KIF1A: variants seen among roughly 807,000 people sequenced by gnomAD.
KIF1A encodes the protein kinesin-like protein KIF1A.
A neutral mutation model predicts 227.3 loss-of-function variants in KIF1A; 46 were observed. The observed-to-expected ratio is 0.20, with a 90% CI of 0.16 to 0.26. The LOEUF is 0.26. Among genes scored for constraint, KIF1A ranks in the 10% least tolerant of loss-of-function variants. The probability of loss-of-function intolerance (pLI) is 1.00; values close to 1 mark genes in which losing one functional copy is unlikely to be tolerated. For missense variants in KIF1A, 1,683 were observed against 2,485.9 expected, an observed-to-expected ratio of 0.68 and a Z score of 6.87; for synonymous variants, 1,022 against 1,012.8, an observed-to-expected ratio of 1.01 and a Z score of -0.17.
intron 11 of KIF1A, among the ~76,000 whole-genome samples, chr2:240,774,778 A>C (rs2052531923): frequency 1.3e-5 from 2 of 152,188 alleles, no homozygotes; most frequent in South Asian, 4.1e-4. Flanking sequence ...CTGTCTAGGT[A>C]ACCTCAGCCA....
chr2:240,777,846 G>C (rs1027770942), intron 10 of KIF1A, among the ~76,000 whole-genome samples: 2 of 152,102 alleles, frequency 1.3e-5, no homozygotes, highest in Non-Finnish European at 2.9e-5. Flanking sequence ...AAACCCTCTC[G>C]CGCGGCTCCT....
intron 1 of KIF1A, among the ~76,000 whole-genome samples, chr2:240,807,675 C>T (rs985562608): frequency 5.3e-5 from 8 of 152,130 alleles, no homozygotes; most frequent in African/African-American, 1.9e-4. Flanking sequence ...ACTCCTAGCT[C>T]ATTCACTGAT....
intron 38 of KIF1A, among the ~76,000 whole-genome samples, chr2:240,730,745 C>A (rs1468535531): frequency 6.6e-6 from 1 of 152,208 alleles, no homozygotes; most frequent in Non-Finnish European, 1.5e-5. Context: ...GGACATGACA[C>A]AACACAGTCA....
chr2:240,769,277 A>G (rs2051612641), intron 16 of KIF1A, 69 bp from the exon 17 acceptor site: 3 of 1,397,080 alleles, frequency 2.1e-6, no homozygotes, highest in Non-Finnish European at 2.0e-6. Context: ...GCCCTGGCTG[A>G]CCAATGGGGG....
intron 1 of KIF1A, among the ~76,000 whole-genome samples, chr2:240,803,456 G>A (rs377140401): frequency 6.6e-6 from 1 of 152,202 alleles, no homozygotes; most frequent in African/African-American, 2.4e-5. Flanking sequence ...CAGTCTCCAC[G>A]CAGGTCTGCT....
chr2:240,772,992 G>C (rs1195596159), intron 13 of KIF1A, 122 bp downstream of exon 13: 1 of 1,081,952 alleles, frequency 9.2e-7, no homozygotes, highest in African/African-American at 1.6e-5. Flanking sequence ...GTGTGGAGCT[G>C]CCACAGCCCA....
rs776985021 is a variant in KIF1A at position 240,722,561 on chromosome 2, G to A, written c.4560C>T (p.Asp1520=). ...CGCTGGAGGAGCCATGGGACTCAGA[G>A]TCCTCGCTGAAGGCCGGGGACAGTG... is the stretch of plus-strand genomic sequence containing the variant. ...PEALSPAFSE[D]SESHGSSSAS... is the part of the protein sequence containing the mutation. Residue 1520 remains aspartate, a synonymous_variant, in exon 43 of 49, where the codon GAC becomes GAT. Transcript: ENST00000498729. The A allele has an allele frequency of 6.4e-7, 1 of 1,553,444 alleles. No individual in the cohort carries two copies. The highest frequency in any genetic ancestry group is 1.9e-5 in the Admixed American group (1 of 51,858).
At chr2:240,805,116 A>G (rs547170774) in intron 1 of KIF1A, among the ~76,000 whole-genome samples, 20 of 17,406 alleles carry the variant, frequency 1.1e-3, no homozygotes, top group Non-Finnish European at 1.3e-3. Flanking sequence ...AGGGAGGGAG[A>G]GGGGAGGGAG....
intron 27 of KIF1A, among the ~76,000 whole-genome samples, chr2:240,751,143 A>G (rs2049157064): frequency 6.6e-6 from 1 of 152,182 alleles, no homozygotes; most frequent in Non-Finnish European, 1.5e-5. Flanking sequence ...CTGCCCTGTC[A>G]GAGACCCAGA....
chr2:240,758,598 G>C lies in KIF1A; in HGVS notation c.2445-101C>G. On this transcript the variant is annotated intron_variant, in intron 25 of 48. Transcript: ENST00000498729. This position sits in a 1 kb window ranked among gnomAD's most constrained non-coding sequence, Gnocchi z 5.2. Reference sequence around the variant, plus strand: ...GGGACAGTGGGCTCAGCCTAGCTCTGGCCACCACATCCAGCTCAGGGTCAT... The same window carrying C: ...GGGACAGTGGGCTCAGCCTAGCTCTCGCCACCACATCCAGCTCAGGGTCAT... The C allele has an allele frequency of 8.0e-7, 1 of 1,243,252 alleles. No homozygotes were observed. Among genetic ancestry groups the C allele is most frequent in the Non-Finnish European group, 1.1e-6 (1 of 943,044 alleles). 77.0% of individuals were successfully genotyped at this position (1,243,252 alleles called of 1,614,324 possible).
chr2:240,762,700 TG>T lies in KIF1A; in HGVS notation c.2116+18del. The T allele has an allele frequency of 3.2e-6, 5 of 1,568,988 alleles. No individual in the cohort carries two copies. The highest frequency in any genetic ancestry group is 2.7e-5 in the African/African-American group (2 of 74,364). On this transcript the variant is annotated intron_variant, in intron 23 of 48. Transcript: ENST00000498729. Reference sequence around the variant, plus strand: ...GAGACCCTCCTGACGCAGCAGGTGCTGGCCCAGTGACCCCTCACCTTCATCC... The same window carrying T: ...GAGACCCTCCTGACGCAGCAGGTGCTGCCCAGTGACCCCTCACCTTCATCC...
chr2:240,787,172 T>C (rs1280899798), intron 5 of KIF1A, 79 bp downstream of exon 5: 1 of 1,192,026 alleles, frequency 8.4e-7, no homozygotes, highest in Non-Finnish European at 1.2e-6. Context: ...GGGCACTCAC[T>C]TTGCATCAGA....
chr2:240,786,900 A>G (rs952450568), intron 5 of KIF1A, among the ~76,000 whole-genome samples: 3 of 136,894 alleles, frequency 2.2e-5, no homozygotes, highest in African/African-American at 5.4e-5. Context: ...AGGGGTGTCA[A>G]TGTGGCCTCC....
At chr2:240,764,417 C>T (rs1028651127) in intron 20 of KIF1A, among the ~76,000 whole-genome samples, 10 of 152,184 alleles carry the variant, frequency 6.6e-5, no homozygotes, top group Admixed American at 2.6e-4. Context: ...GGCTTAGCCA[C>T]ACCGACTCCC....
At position 240,793,259 on chromosome 2, in the gene KIF1A, G is replaced by C. The variant is rs1427131014; in HGVS notation, c.107-3947C>G. ...AGATGAGAGGCCACCCAAACCCTGGGCCTCCTCTGCATGGCCAGAAGAGTG... is the reference window on the plus strand; with the variant it reads ...AGATGAGAGGCCACCCAAACCCTGGCCCTCCTCTGCATGGCCAGAAGAGTG... On this transcript the variant is annotated intron_variant, in intron 2 of 48. Transcript: ENST00000498729. This position sits in a 1 kb window ranked among gnomAD's most constrained non-coding sequence, Gnocchi z 4.8. 2.0e-5 allele frequency among the ~76,000 whole-genome samples: 3 copies of C among 152,194 alleles called. No homozygotes were observed. Among genetic ancestry groups the C allele is most frequent in the African/African-American group, 4.8e-5 (2 of 41,452 alleles).
intron 1 of KIF1A, among the ~76,000 whole-genome samples, chr2:240,815,811 G>A (rs1383761884): frequency 6.6e-6 from 1 of 152,228 alleles, no homozygotes; most frequent in Non-Finnish European, 1.5e-5. Context: ...CTTCTCAGGA[G>A]CCTCAGTCTC....
rs59241293 is a variant in KIF1A at position 240,758,239 on chromosome 2, T to C, written c.2582+121A>G. The C allele has an allele frequency of 0.025, 28,512 of 1,133,358 alleles. 951 individuals are homozygous for C. The highest frequency in any genetic ancestry group is 0.14 in the African/African-American group (8,733 of 63,244). 70.2% of individuals were successfully genotyped at this position (1,133,358 alleles called of 1,614,324 possible). A position where few individuals can be genotyped will look rare whatever the true frequency, so the allele number is the denominator to read the frequency against. Reference sequence around the variant, plus strand: ...GCCAGGGAGGACAGGGCTGGGAATATGGGGCTGGAAAAGCACTTGTCAGGG... The same window carrying C: ...GCCAGGGAGGACAGGGCTGGGAATACGGGGCTGGAAAAGCACTTGTCAGGG... On this transcript the variant is annotated intron_variant, in intron 26 of 48. Transcript: ENST00000498729. This position sits in a 1 kb window ranked among gnomAD's most constrained non-coding sequence, Gnocchi z 5.2.
rs1167604511 is a variant in KIF1A, at chr2:240,766,941, C to T, written c.1658G>A (p.Arg553Gln). The T allele has an allele frequency of 6.8e-6, 11 of 1,611,400 alleles. No homozygotes were observed. Among genetic ancestry groups the T allele is most frequent in the Admixed American group, 6.7e-5 (4 of 59,826 alleles). ...TTCGCTGCCTCCCCTGGAGTCGCTC[C>T]GGAAGACGCAGTGCTCCTCCTTGAT... is the stretch of plus-strand genomic sequence containing the variant. ...HFIKEEHCVF[R>Q]SDSRGGSEAV... The change falls in exon 19 of 49, where the codon CGG (arginine) becomes CAG (glutamine). Residue 553 changes from arginine to glutamine, a missense_variant. Physicochemically the swap from Arg to Gln is conservative, Grantham distance 43. Around this residue, in one of 12 missense-constraint regions of KIF1A, gnomAD observed 217 missense variants for 427.0 expected, o/e 0.51. Coordinates refer to ENST00000498729, the MANE Select transcript of KIF1A (RefSeq NM_001244008.2). This position sits in a 1 kb window ranked among gnomAD's most constrained non-coding sequence, Gnocchi z 5.0.
intron 1 of KIF1A, among the ~76,000 whole-genome samples, chr2:240,801,893 C>G (rs1191440065): frequency 6.6e-6 from 1 of 152,132 alleles, no homozygotes; most frequent in Non-Finnish European, 1.5e-5. Flanking sequence ...TTTGTTGTAT[C>G]AGCTGGAATG....
Sources: gnomAD v4.1 joint callset for allele counts (sites outside exome capture counted in the v4.1 genomes callset) on GRCh38, gnomAD v4.1.1 for gene constraint, gnomAD v4.1.1 regional missense constraint, Gnocchi (gnomAD v3.1) non-coding constraint, MANE v1.5 for transcripts, NCBI Gene and HGNC (gene_info 2026-07-23, HGNC 2026-07-21) for gene names.